Variants in DCN observed in about 807,000 individuals in gnomAD.
The protein encoded by DCN is bone proteoglycan II.
DCN carries 17 observed loss-of-function variants against 36.5 expected under a neutral mutation model. That is an observed-to-expected ratio of 0.47 (90% CI 0.32 to 0.70). The LOEUF (loss-of-function observed/expected upper bound fraction) is 0.70. Among genes scored for constraint, DCN ranks in the 30% least tolerant of loss-of-function variants. The pLI is 0.04. For synonymous variants in DCN, 163 were observed against 161.4 expected (o/e 1.01, Z -0.07); for missense variants, 389 against 430.1 (o/e 0.90, Z 0.84).
At chr12:91,166,707 G>T (rs1461369906) in intron 2 of DCN, among the ~76,000 whole-genome samples, 1 of 151,518 alleles carries the variant, frequency 6.6e-6, no homozygotes, top group Non-Finnish European at 1.5e-5. Context: ...CACTTATGTT[G>T]TCATCCTAAA....
chr12:91,167,209 A>T (rs549604745), intron 2 of DCN, among the ~76,000 whole-genome samples: 1 of 152,198 alleles, frequency 6.6e-6, no homozygotes, highest in South Asian at 2.1e-4. Context: ...TAAGGGGTAG[A>T]TAAGGCATTG....
intron 3 of DCN, among the ~76,000 whole-genome samples, chr12:91,162,078 C>T (rs1180657615): frequency 1.3e-5 from 2 of 151,856 alleles, no homozygotes; most frequent in Non-Finnish European, 2.9e-5. Context: ...GTAGCTGGGA[C>T]TACAGGAGCG....
At chr12:91,160,480 C>CTGT (rs770533373) in intron 3 of DCN, among the ~76,000 whole-genome samples, 10 of 151,920 alleles carry the variant, frequency 6.6e-5, no homozygotes, top group Non-Finnish European at 1.5e-4. Context: ...TTTTTGGTGA[C>CTGT]TGTTACATTT....
chr12:91,152,358 A>G (rs1881486845), intron 6 of DCN, among the ~76,000 whole-genome samples: 1 of 151,874 alleles, frequency 6.6e-6, no homozygotes, highest in Admixed American at 6.6e-5. Context: ...CCACCATGAA[A>G]TTTATATATA....
intron 1 of DCN, among the ~76,000 whole-genome samples, chr12:91,179,970 C>G (rs1317871512): frequency 2.0e-5 from 3 of 152,056 alleles, no homozygotes; most frequent in Admixed American, 2.0e-4. Context: ...ATTCCACAAG[C>G]ACGAATCTAT....
At chr12:91,177,372 G>T in intron 2 of DCN, 2 of 557,144 alleles carry the variant, frequency 3.6e-6, no homozygotes, top group Non-Finnish European at 6.3e-6. Context: ...AGTAAATATA[G>T]GACTTCTGAA....
intron 2 of DCN, chr12:91,169,548 A>AATC (rs767818575): frequency 1.3e-5 from 2 of 152,088 alleles, no homozygotes; most frequent in Non-Finnish European, 2.9e-5. Flanking sequence ...TGTTAGATAA[A>AATC]ATCATATATC....
intron 2 of DCN, among the ~76,000 whole-genome samples, chr12:91,165,460 AT>A (rs1395888511): frequency 1.3e-5 from 2 of 152,170 alleles, no homozygotes; most frequent in East Asian, 3.9e-4. Flanking sequence ...ATGTAAATTC[AT>A]TGAATTACCA....
intron 3 of DCN, 29 bp from the exon 4 acceptor site, chr12:91,158,538 T>A (rs1881950087): frequency 1.7e-6 from 2 of 1,188,276 alleles, no homozygotes; most frequent in Non-Finnish European, 2.5e-6. Flanking sequence ...AACATCTCTT[T>A]AAATCCAAAA....
intron 7 of DCN, 54 bp from the exon 8 acceptor site, chr12:91,146,306 C>A: frequency 1.0e-6 from 1 of 964,386 alleles, no homozygotes; most frequent in Non-Finnish European, 1.6e-6. Context: ...TGTTGAGGCC[C>A]TTCAGGTAAA....
rs187688692 is a variant in DCN at position 91,150,915 on chromosome 12, A to T, written c.885+739T>A. On this transcript the variant is annotated intron_variant, in intron 7 of 7. Transcript: ENST00000052754. ...ACACCGTGGAATACTATGCAGCCATAAAAAGGAATGGGATCATGTCCTTTA... is the reference window on the plus strand; with the variant it reads ...ACACCGTGGAATACTATGCAGCCATTAAAAGGAATGGGATCATGTCCTTTA... The T allele has an allele frequency of 2.0e-5, 3 of 152,468 alleles. No homozygotes were observed. The East Asian group carries it at 5.8e-4, about 29-fold the overall frequency. The allele number at this position is 152,468 out of a possible 1,614,324, so 9.4% of individuals were successfully genotyped here. A position where few individuals can be genotyped will look rare whatever the true frequency, so the allele number is the denominator to read the frequency against.
intron 2 of DCN, chr12:91,177,615 A>C (rs1359799829): frequency 1.4e-6 from 1 of 702,316 alleles, no homozygotes; most frequent in Non-Finnish European, 2.6e-6. Context: ...GAATTTCCAG[A>C]CCAAATTTTT....
At chr12:91,166,911 T>A (rs940402519) in intron 2 of DCN, among the ~76,000 whole-genome samples, 2 of 152,204 alleles carry the variant, frequency 1.3e-5, no homozygotes, top group African/African-American at 4.8e-5. Context: ...GGATTTCACA[T>A]ATTTTTTATT....
Position 91,178,448 on chromosome 12 carries a change from C to A in DCN, c.105G>T (p.Gly35=). ...GGTCATCAGGAACTTCTGGGCCTAT[C>A]CCAGAAGCCTCATCTTCTAGCATAA... ...FDFMLEDEAS[G]IGPEVPDDRD... The change falls in exon 2 of 8, where the codon GGG becomes GGT. Residue 35 remains glycine (G), a synonymous_variant. Coordinates refer to ENST00000052754, the MANE Select transcript of DCN (RefSeq NM_001920.5). 6.2e-7 allele frequency: 1 copy of A among 1,613,854 alleles called. No individual in the cohort carries two copies. The highest frequency in any genetic ancestry group is 8.5e-7 in the Non-Finnish European group (1 of 1,179,968).
intron 1 of DCN, 116 bp from the exon 2 acceptor site, chr12:91,178,701 T>C: frequency 2.8e-6 from 2 of 711,480 alleles, no homozygotes; most frequent in African/African-American, 1.8e-5. Flanking sequence ...TAATATTTCA[T>C]TTGTTATCAG....
chr12:91,151,894 T>C, intron 6 of DCN, 102 bp from the exon 7 acceptor site: 3 of 1,376,166 alleles, frequency 2.2e-6, no homozygotes, highest in Non-Finnish European at 3.1e-6. Context: ...ATTTTTTGTT[T>C]TTGCACTTAC....
chr12:91,173,942 G>A (rs1027819666), intron 2 of DCN, among the ~76,000 whole-genome samples: 2 of 152,098 alleles, frequency 1.3e-5, no homozygotes, highest in African/African-American at 4.8e-5. Flanking sequence ...AATTTAAAAG[G>A]TTGTACTTTT....
intron 3 of DCN, among the ~76,000 whole-genome samples, chr12:91,159,118 A>G (rs1314424592): frequency 1.3e-5 from 2 of 152,204 alleles, no homozygotes; most frequent in African/African-American, 4.8e-5. Context: ...TAATTTTTAA[A>G]TAATAAATAC....
intron 6 of DCN, 79 bp downstream of exon 6, chr12:91,153,017 A>G (rs1440915190): frequency 7.3e-6 from 6 of 820,858 alleles, no homozygotes; most frequent in East Asian, 5.0e-5. Flanking sequence ...ATCAATCATC[A>G]TGTTTATAAT....
Sources: gnomAD v4.1 joint callset for allele counts (sites outside exome capture counted in the v4.1 genomes callset) on GRCh38, gnomAD v4.1.1 for gene constraint, MANE v1.5 for transcripts, NCBI Gene and HGNC (gene_info 2026-07-23, HGNC 2026-07-21) for gene names.